The following CSMD2 variants were observed in gnomAD, a reference collection of about 807,000 sequenced individuals.
CSMD2 encodes CUB and sushi domain-containing protein 2.
CSMD2 carries 130 observed loss-of-function variants against 398.5 expected under a neutral mutation model. The ratio of observed to expected loss-of-function variants is 0.33; its 90% CI spans 0.28 to 0.38. The LOEUF is 0.38. Ranked by LOEUF, CSMD2 falls within the 10% of genes least tolerant of loss-of-function variation. The pLI, the probability that CSMD2 is intolerant of heterozygous loss-of-function variation, is 1.00. For synonymous variants in CSMD2, 1,828 were observed against 1,908.5 expected (o/e 0.96, Z 1.10); for missense variants, 3,829 against 4,764.9 (o/e 0.80, Z 5.78).
At position 33,810,825 on chromosome 1, in the gene CSMD2, A is replaced by G; in HGVS notation, c.1364T>C (p.Ile455Thr). 2 of 1,612,886 alleles carry G rather than the reference A, an allele frequency of 1.2e-6. No homozygotes were observed. Among genetic ancestry groups the G allele is most frequent in the Non-Finnish European group, 1.7e-6 (2 of 1,179,532 alleles). The change falls in exon 10 of 71, where the codon ATC becomes ACC. Residue 455 changes from isoleucine (I) to threonine (T), a missense_variant. Transcript: ENST00000373381. ...AATGGGGAAATTGGGGGAGGTGATG[A>G]TGCCCGAGGGGCCTCGAAGGTGGGC... ...CDAHLRGPSG[I>T]ITSPNFPIQY...
chr1:34,077,229 G>A (rs971332801), intron 2 of CSMD2, among the ~76,000 whole-genome samples: 2 of 151,550 alleles, frequency 1.3e-5, no homozygotes, highest in Non-Finnish European at 2.9e-5. Flanking sequence ...AGGCCGAGGA[G>A]GGTGGATCAC....
chr1:34,067,513 C>A (rs1448434049), intron 2 of CSMD2, among the ~76,000 whole-genome samples: 1 of 152,120 alleles, frequency 6.6e-6, no homozygotes, highest in African/African-American at 2.4e-5. Context: ...GAGCCAGGAG[C>A]CCCAGGGGCT....
chr1:33,694,112 C>T (rs781597090), intron 24 of CSMD2, among the ~76,000 whole-genome samples: 2 of 152,136 alleles, frequency 1.3e-5, no homozygotes, highest in Non-Finnish European at 1.5e-5. Context: ...TTGCTACATG[C>T]TACAATATAG....
chr1:34,081,454 T>A (rs1264740152), intron 2 of CSMD2, among the ~76,000 whole-genome samples: 1 of 145,024 alleles, frequency 6.9e-6, no homozygotes, highest in Non-Finnish European at 1.5e-5. Context: ...CCGCTTTCCA[T>A]GGTCTCTCTC....
intron 29 of CSMD2, among the ~76,000 whole-genome samples, chr1:33,643,640 G>C (rs1643237479): frequency 6.6e-6 from 1 of 152,134 alleles, no homozygotes; most frequent in Admixed American, 6.5e-5. Context: ...ACTTGTTTCA[G>C]GGCATACAGT....
chr1:33,681,276 T>G (rs1644901957), intron 25 of CSMD2, among the ~76,000 whole-genome samples: 1 of 152,180 alleles, frequency 6.6e-6, no homozygotes, highest in Non-Finnish European at 1.5e-5. Context: ...GTAATATTCC[T>G]TAGTTTGTAA....
intron 62 of CSMD2, among the ~76,000 whole-genome samples, chr1:33,534,184 G>C (rs1389304957): frequency 6.6e-6 from 1 of 152,256 alleles, no homozygotes; most frequent in Non-Finnish European, 1.5e-5. Context: ...CTGGATCCGA[G>C]TTCTGGCTTC....
chr1:33,524,320 C>T (rs36000249), intron 66 of CSMD2, among the ~76,000 whole-genome samples: 25,169 of 152,022 alleles, frequency 0.17, 2,641 homozygotes, highest in East Asian at 0.38. Context: ...TGACTCCCTC[C>T]GTATCTTCTT....
intron 62 of CSMD2, among the ~76,000 whole-genome samples, chr1:33,534,706 T>C (rs1328072571): frequency 6.6e-6 from 1 of 152,222 alleles, no homozygotes; most frequent in Non-Finnish European, 1.5e-5. Context: ...AACTCTTAAA[T>C]TCCACTCCCT....
At chr1:33,952,675 T>TACACACACACAC (rs71740719) in intron 3 of CSMD2, among the ~76,000 whole-genome samples, 2 of 148,622 alleles carry the variant, frequency 1.3e-5, no homozygotes, top group Non-Finnish European at 3.0e-5. Flanking sequence ...TTTTGTTGTT[T>TACACACACACAC]ACACACACAC....
At chr1:33,692,231 A>G (rs945594260) in intron 25 of CSMD2, among the ~76,000 whole-genome samples, 20 of 152,228 alleles carry the variant, frequency 1.3e-4, no homozygotes, top group African/African-American at 4.8e-5. Context: ...TGAAATTCCA[A>G]TAAGGAATGC....
At chr1:33,897,194 G>GT (rs1341869537) in intron 5 of CSMD2, among the ~76,000 whole-genome samples, 3 of 152,096 alleles carry the variant, frequency 2.0e-5, no homozygotes, top group African/African-American at 7.2e-5. Context: ...ATGAAGTAGG[G>GT]TTTATGTGGA....
chr1:33,641,277 C>T (rs536965967), intron 29 of CSMD2, among the ~76,000 whole-genome samples: 1 of 152,276 alleles, frequency 6.6e-6, no homozygotes, highest in African/African-American at 2.4e-5. Flanking sequence ...TTCTCAACAC[C>T]CAGCAGAGGG....
chr1:33,919,512 C>A (rs1643873133), intron 4 of CSMD2, among the ~76,000 whole-genome samples: 1 of 152,228 alleles, frequency 6.6e-6, no homozygotes, highest in African/African-American at 2.4e-5. Context: ...TCAATGCTAA[C>A]TTCTAAGTTT....
At chr1:33,553,615 G>C (rs553199739) in intron 55 of CSMD2, among the ~76,000 whole-genome samples, 153 of 152,332 alleles carry the variant, frequency 1.0e-3, no homozygotes, top group African/African-American at 3.5e-3. Flanking sequence ...TAAAAGCTTA[G>C]TGAGGAAGGC....
chr1:33,929,450 T>C (rs1644242108), intron 4 of CSMD2, among the ~76,000 whole-genome samples: 1 of 147,396 alleles, frequency 6.8e-6, no homozygotes. Context: ...TTTTTTTTTT[T>C]TTTTTGAGAT....
intron 3 of CSMD2, among the ~76,000 whole-genome samples, chr1:33,967,163 T>C (rs981988668): frequency 6.6e-6 from 1 of 152,096 alleles, no homozygotes; most frequent in African/African-American, 2.4e-5. Context: ...TTGATTTTAA[T>C]ATTTTATAAA....
chr1:33,709,238 T>C lies in CSMD2; in HGVS notation c.3427A>G (p.Thr1143Ala), dbSNP rs772350963. The C allele has an allele frequency of 5.0e-6, 8 of 1,613,746 alleles. No homozygotes were observed. The Admixed American group carries it at 1.3e-4, about 27-fold the overall frequency. The change falls in exon 22 of 71, where the codon ACA (threonine) becomes GCA (alanine). Residue 1143 changes from threonine to alanine, a missense_variant. Thr to Ala is a moderately conservative substitution (Grantham distance 58). Transcript: ENST00000373381. ...RCVAECGNSVTGTQGTLLSPN... is the reference protein window; with the variant it reads ...RCVAECGNSVAGTQGTLLSPN... ...GACAGCAAAGTACCCTGAGTGCCTGTGACTGAATTCCCACACTCAGCTGGA... is the reference window on the plus strand; with the variant it reads ...GACAGCAAAGTACCCTGAGTGCCTGCGACTGAATTCCCACACTCAGCTGGA...
intron 3 of CSMD2, among the ~76,000 whole-genome samples, chr1:33,945,346 T>C (rs190301757): frequency 5.3e-4 from 80 of 152,362 alleles, no homozygotes; most frequent in African/African-American, 1.9e-3. Context: ...ACTGGGTTTC[T>C]TGTATTTTAA....
Sources: gnomAD v4.1 joint callset for allele counts (sites outside exome capture counted in the v4.1 genomes callset) on GRCh38, gnomAD v4.1.1 for gene constraint, MANE v1.5 for transcripts, NCBI Gene and HGNC (gene_info 2026-07-23, HGNC 2026-07-21) for gene names.